The following CBFA2T2 variants were observed in gnomAD, a reference collection of about 807,000 sequenced individuals.
CBFA2T2 encodes CBFA2/RUNX1 partner transcriptional co-repressor 2.
Under a neutral mutation model 62.2 loss-of-function variants are expected in CBFA2T2, and 11 were observed. The observed-to-expected ratio is 0.18, with a 90% CI of 0.11 to 0.29. The LOEUF is 0.29. Ranked by LOEUF, CBFA2T2 falls within the 10% of genes least tolerant of loss-of-function variation. CBFA2T2 has a pLI of 1.00. For missense variants in CBFA2T2, 592 were observed against 774.1 expected, an observed-to-expected ratio of 0.76 and a Z score of 2.79; for synonymous variants, 295 against 287.5, an observed-to-expected ratio of 1.03 and a Z score of -0.27.
At chr20:33,609,375 G>A (rs1166016018) in intron 2 of CBFA2T2, among the ~76,000 whole-genome samples, 2 of 152,042 alleles carry the variant, frequency 1.3e-5, no homozygotes, top group Admixed American at 6.6e-5. Context: ...GGTGGTGCGT[G>A]CCTGTAATCC....
intron 1 of CBFA2T2, among the ~76,000 whole-genome samples, chr20:33,587,520 C>A (rs1281487422): frequency 3.3e-5 from 5 of 152,108 alleles, no homozygotes; most frequent in Non-Finnish European, 5.9e-5. Context: ...CCCCCCTTGG[C>A]CTCCCAAAGG....
rs558949346 is a variant in CBFA2T2, at chr20:33,542,522, A to G, written c.34+52221A>G. Among the ~76,000 whole-genome samples the G allele has an allele frequency of 2.0e-3, 301 of 152,092 alleles. 1 individual carries two copies. Among genetic ancestry groups the G allele is most frequent in the Non-Finnish European group, 3.4e-3 (232 of 68,000 alleles). On this transcript the variant is annotated intron_variant, in intron 1 of 10. Transcript: ENST00000342704. Reference sequence around the variant, plus strand: ...TTTAAAGCTTCTGAATACTCTCTCAATTATCAATGTATATATATTGTGGAC... The same window carrying G: ...TTTAAAGCTTCTGAATACTCTCTCAGTTATCAATGTATATATATTGTGGAC...
At chr20:33,537,018 A>C (rs1173524634) in intron 1 of CBFA2T2, among the ~76,000 whole-genome samples, 4 of 150,640 alleles carry the variant, frequency 2.7e-5, no homozygotes, top group African/African-American at 9.8e-5. Context: ...GCAGCCAGGC[A>C]GAGGGGCTCC....
At chr20:33,507,724 G>A (rs1320645318) in intron 1 of CBFA2T2, among the ~76,000 whole-genome samples, 1 of 152,122 alleles carries the variant, frequency 6.6e-6, no homozygotes, top group Non-Finnish European at 1.5e-5. Flanking sequence ...CCCTACTGCT[G>A]ATGGACATTT....
intron 1 of CBFA2T2, among the ~76,000 whole-genome samples, chr20:33,525,483 G>C (rs530292326): frequency 6.6e-6 from 1 of 152,172 alleles, no homozygotes; most frequent in South Asian, 2.1e-4. Flanking sequence ...ACTGCACCTG[G>C]CCCTACCCTA....
chr20:33,517,043 A>G lies in CBFA2T2; in HGVS notation c.34+26742A>G, dbSNP rs1308332991. Among the ~76,000 whole-genome samples, 7 of 152,356 alleles carry G rather than the reference A, an allele frequency of 4.6e-5. No individual in the cohort carries two copies. The East Asian group carries it at 1.2e-3, about 25-fold the overall frequency. On this transcript the variant is annotated intron_variant, in intron 1 of 10. Transcript: ENST00000342704. ...CTAAATGCTCTGTAAATAAAAGCAG[A>G]TATGTGATGGACTGCTTCATGATGT... is the stretch of plus-strand genomic sequence containing the variant.
At chr20:33,583,235 A>G (rs1359543992) in intron 1 of CBFA2T2, among the ~76,000 whole-genome samples, 2 of 152,222 alleles carry the variant, frequency 1.3e-5, no homozygotes, top group Admixed American at 6.5e-5. Flanking sequence ...TCCTTTGTAC[A>G]AGAACACTAT....
chr20:33,600,459 A>T (rs909514053), intron 1 of CBFA2T2: 13 of 408,188 alleles, frequency 3.2e-5, no homozygotes, highest in African/African-American at 2.6e-4. Context: ...ACGTGCTGGG[A>T]TTACAGGTAT....
intron 1 of CBFA2T2, among the ~76,000 whole-genome samples, chr20:33,532,663 C>G (rs1386804510): frequency 6.6e-6 from 1 of 152,188 alleles, no homozygotes; most frequent in East Asian, 1.9e-4. Flanking sequence ...GTTTGAATGT[C>G]TCATTTAACA....
chr20:33,559,533 C>G (rs1389480216), intron 1 of CBFA2T2, among the ~76,000 whole-genome samples: 2 of 151,952 alleles, frequency 1.3e-5, no homozygotes, highest in Non-Finnish European at 2.9e-5. Flanking sequence ...TGTCACCAGC[C>G]TGGAGTGCAG....
chr20:33,594,921 A>T (rs1268731495), intron 1 of CBFA2T2, among the ~76,000 whole-genome samples: 1 of 152,222 alleles, frequency 6.6e-6, no homozygotes, highest in Admixed American at 6.5e-5. Flanking sequence ...AAGCTGGTGG[A>T]GACCTGAAAC....
At chr20:33,542,916 C>T (rs1469552632) in intron 1 of CBFA2T2, among the ~76,000 whole-genome samples, 1 of 152,106 alleles carries the variant, frequency 6.6e-6, no homozygotes, top group Non-Finnish European at 1.5e-5. Context: ...ATCTGCCTGC[C>T]TGGCCTCCCA....
chr20:33,646,667 C>T lies in CBFA2T2; in HGVS notation c.*2021C>T, dbSNP rs2017057429. Reference sequence around the variant, plus strand: ...GGTCAGGAATTCAAGACCAACCTGGCCAACATGGTGAAACCCTGTCTCTAA... The same window carrying T: ...GGTCAGGAATTCAAGACCAACCTGGTCAACATGGTGAAACCCTGTCTCTAA... On this transcript the variant is annotated 3_prime_UTR_variant, in exon 11 of 11. Transcript: ENST00000342704. The T allele has an allele frequency of 6.6e-6, 1 of 151,690 alleles. No individual in the cohort carries two copies. Among genetic ancestry groups the T allele is most frequent in the Admixed American group, 6.6e-5 (1 of 15,242 alleles). 9.4% of individuals were successfully genotyped at this position (151,690 alleles called of 1,614,324 possible). A position where few individuals can be genotyped will look rare whatever the true frequency, so the allele number is the denominator to read the frequency against.
intron 10 of CBFA2T2, among the ~76,000 whole-genome samples, chr20:33,641,382 CT>C (rs1223478149): frequency 1.3e-5 from 2 of 152,116 alleles, no homozygotes; most frequent in Non-Finnish European, 2.9e-5. Flanking sequence ...GGTGATGGTT[CT>C]ATACAGGACG....
chr20:33,553,091 A>G (rs2012782681), intron 1 of CBFA2T2, among the ~76,000 whole-genome samples: 4 of 152,172 alleles, frequency 2.6e-5, no homozygotes, highest in East Asian at 3.9e-4. Context: ...ACTTTTCTCA[A>G]TAGACTGTAA....
At chr20:33,617,133 G>T (rs991308121) in intron 3 of CBFA2T2, among the ~76,000 whole-genome samples, 9 of 152,110 alleles carry the variant, frequency 5.9e-5, no homozygotes, top group African/African-American at 2.2e-4. Flanking sequence ...CACTTTGGGA[G>T]GCCAAGGTGG....
At chr20:33,504,596 G>A (rs1049847753) in intron 1 of CBFA2T2, among the ~76,000 whole-genome samples, 5 of 151,752 alleles carry the variant, frequency 3.3e-5, no homozygotes, top group African/African-American at 9.7e-5. Flanking sequence ...TAGAGATGGG[G>A]TTTCACCATG....
chr20:33,642,116 TTGTGTGTGTGTGTGTGTGTG>T (rs869240464), intron 10 of CBFA2T2, among the ~76,000 whole-genome samples: 18 of 59,012 alleles, frequency 3.1e-4, no homozygotes, highest in Non-Finnish European at 5.1e-4. Context: ...TTTTTTTTTT[TTGTGTGTGTGTGTGTGTGTG>T]TGTGTGTGTG....
chr20:33,540,424 C>T (rs959090723), intron 1 of CBFA2T2, among the ~76,000 whole-genome samples: 3 of 152,170 alleles, frequency 2.0e-5, no homozygotes, highest in Non-Finnish European at 4.4e-5. Context: ...ATGCTGTAGG[C>T]AGTTTTAACA....
Sources: allele counts gnomAD v4.1 joint callset (sites outside exome capture counted in the v4.1 genomes callset), GRCh38; gene constraint gnomAD v4.1.1; transcripts MANE v1.5; gene names NCBI Gene and HGNC (gene_info 2026-07-23, HGNC 2026-07-21).